Variants in VWA1 observed in about 807,000 individuals in gnomAD.
VWA1 encodes the protein von Willebrand factor A domain-containing protein 1.
Under a neutral mutation model 14.9 loss-of-function variants are expected in VWA1, and 12 were observed. That is an observed-to-expected ratio of 0.80 (90% CI 0.52 to 1.30). The LOEUF (loss-of-function observed/expected upper bound fraction) is 1.30, where lower values mean the gene tolerates loss of function less well. Among genes scored for constraint, VWA1 ranks in the 50% most tolerant of loss-of-function variants. The pLI is 0.00. For synonymous variants in VWA1, 368 were observed against 310.7 expected (o/e 1.18, Z -1.94); for missense variants, 800 against 649.1 (o/e 1.23, Z -2.53).
Position 1,439,777 on chromosome 1 carries a change from G to C in VWA1, c.1328G>C (p.Arg443Pro), listed in dbSNP as rs1392936590. The change falls in exon 3 of 3, where the codon CGT (arginine) becomes CCT (proline). Residue 443 changes from arginine to proline, a missense_variant. Physicochemically the swap from Arg to Pro is moderately radical, Grantham distance 103. Coordinates refer to ENST00000476993, the MANE Select transcript of VWA1 (RefSeq NM_022834.5). Reference sequence around the variant, plus strand: ...GCCCCGACCCCGGGGACCGCCAGCCGTGAGCCGTAAGCCGGCGTCCCCGCC... The same window carrying C: ...GCCCCGACCCCGGGGACCGCCAGCCCTGAGCCGTAAGCCGGCGTCCCCGCC... ...PRAPTPGTAS[R>P]EP 5 of 1,080,368 alleles carry C rather than the reference G, an allele frequency of 4.6e-6. No individual in the cohort carries two copies. Among genetic ancestry groups the C allele is most frequent in the Middle Eastern group, 4.1e-4 (1 of 2,412 alleles). 66.9% of individuals were successfully genotyped at this position (1,080,368 alleles called of 1,614,324 possible). A position where few individuals can be genotyped will look rare whatever the true frequency, so the allele number is the denominator to read the frequency against.
chr1:1,439,827 T>C lies in VWA1; in HGVS notation c.*40T>C, dbSNP rs140247431. 0.02 allele frequency: 21,278 copies of C among 1,057,724 alleles called. 910 individuals are homozygous for C. Among genetic ancestry groups the C allele is most frequent in the African/African-American group, 0.16 (9,037 of 58,178 alleles). The allele number at this position is 1,057,724 out of a possible 1,614,324, so 65.5% of individuals were successfully genotyped here. ...CCAGCCGAGAGGGCCGGCGCCTACCTGAGGGCCCCTGTGTCCCGAACCCGG... is the reference window on the plus strand; with the variant it reads ...CCAGCCGAGAGGGCCGGCGCCTACCCGAGGGCCCCTGTGTCCCGAACCCGG... On this transcript the variant is annotated 3_prime_UTR_variant, in exon 3 of 3. Transcript: ENST00000476993.
In VWA1 at chr1:1,439,391, G is replaced by T; in HGVS notation, c.942G>T (p.Glu314Asp). Residue 314 changes from glutamate (E) to aspartate (D), a missense_variant, in exon 3 of 3, where the codon GAG becomes GAT. Physicochemically the swap from Glu to Asp is conservative, Grantham distance 45. Transcript: ENST00000476993. ...GEAGPGASGP[E>D]SGAGPAPTQL... ...CAGGGCCGGGGGCTTCGGGCCCGGAGTCGGGGGCTGGGCCGGCCCCCACGC... is the reference window on the plus strand; with the variant it reads ...CAGGGCCGGGGGCTTCGGGCCCGGATTCGGGGGCTGGGCCGGCCCCCACGC... The T allele has an allele frequency of 6.8e-7, 1 of 1,474,996 alleles. No individual in the cohort carries two copies. Among genetic ancestry groups the T allele is most frequent in the Non-Finnish European group, 8.9e-7 (1 of 1,121,162 alleles). The allele number at this position is 1,474,996 out of a possible 1,614,324, so 91.4% of individuals were successfully genotyped here.
chr1:1,439,616 G>A lies in VWA1; in HGVS notation c.1167G>A (p.Thr389=), dbSNP rs1459964707. The A allele has an allele frequency of 3.8e-6, 5 of 1,309,638 alleles. No individual in the cohort carries two copies. The highest frequency in any genetic ancestry group is 4.9e-6 in the Non-Finnish European group (5 of 1,028,006). The allele number at this position is 1,309,638 out of a possible 1,614,324, so 81.1% of individuals were successfully genotyped here. A position where few individuals can be genotyped will look rare whatever the true frequency, so the allele number is the denominator to read the frequency against. ...VEVPAGRNCT[T]LQGLAPGTAY... is the part of the protein sequence containing the mutation. ...TGCCCGCGGGCCGCAACTGCACCAC[G>A]CTGCAGGGCCTGGCGCCGGGCACCG... Residue 389 remains threonine (T), a synonymous_variant, in exon 3 of 3, where the codon ACG becomes ACA. Transcript: ENST00000476993.
rs776670796 is a variant in VWA1 at position 1,437,084 on chromosome 1, C to T, written c.231C>T (p.His77=). 2.6e-5 allele frequency: 41 copies of T among 1,606,696 alleles called. No individual in the cohort carries two copies. Among genetic ancestry groups the T allele is most frequent in the Admixed American group, 5.0e-5 (3 of 59,622 alleles). ...GTGALRASLV[H]VGSRPYTEFP... ...GGGCCCTGCGTGCCAGTCTGGTGCA[C>T]GTGGGCAGTCGGCCATACACCGAGT... Residue 77 remains histidine (H), a synonymous_variant, in exon 2 of 3, where the codon CAC becomes CAT. Coordinates refer to ENST00000476993, the MANE Select transcript of VWA1 (RefSeq NM_022834.5).
chr1:1,437,040 C>T lies in VWA1; in HGVS notation c.187C>T (p.Pro63Ser). The T allele has an allele frequency of 1.2e-6, 2 of 1,611,902 alleles. No individual in the cohort carries two copies. The highest frequency in any genetic ancestry group is 1.7e-6 in the Non-Finnish European group (2 of 1,179,574). Residue 63 changes from proline to serine, a missense_variant, in exon 2 of 3, where the codon CCA becomes TCA. Transcript: ENST00000476993. ...VREFVGQLVA[P>S]LPLGTGALRA... ...GGAGTTTGTGGGGCAGCTGGTGGCT[C>T]CACTGCCCCTGGGCACCGGGGCCCT...
chr1:1,437,468 G>A lies in VWA1; in HGVS notation c.615G>A (p.Leu205=). Residue 205 remains leucine (L), a synonymous_variant, in exon 2 of 3, where the codon CTG becomes CTA. Coordinates refer to ENST00000476993, the MANE Select transcript of VWA1 (RefSeq NM_022834.5). The stretch of plus-strand genomic sequence containing the variant: ...ACCTGCACATCATTGTCCAAGAGCT[G>A]AGGGGCTCCATTCTCGGTATGCGGG... ...VDDLHIIVQE[L]RGSILDAMRP... 1.2e-6 allele frequency: 2 copies of A among 1,604,226 alleles called. No homozygotes were observed. Among genetic ancestry groups the A allele is most frequent in the Non-Finnish European group, 8.5e-7 (1 of 1,173,084 alleles).
chr1:1,439,032 G>A (rs1171105296), intron 2 of VWA1, 49 bp from the exon 3 acceptor site: 9 of 1,559,918 alleles, frequency 5.8e-6, no homozygotes, highest in Admixed American at 3.6e-5. Flanking sequence ...CCCTCCAGCA[G>A]CGGAGGAGGA....
In VWA1 at chr1:1,437,289, G is replaced by T. The variant is rs769375223; in HGVS notation, c.436G>T (p.Gly146Cys). The change falls in exon 2 of 3, where the codon GGC becomes TGC. Residue 146 changes from glycine (G) to cysteine (C), a missense_variant. Physicochemically the swap from Gly to Cys is radical, Grantham distance 159. Transcript: ENST00000476993. ...PKVLVWVTDG[G>C]SSDPVGPPMQ... ...AGTGCTGGTGTGGGTGACAGATGGC[G>T]GCTCCAGCGACCCTGTGGGCCCCCC... 6.2e-7 allele frequency: 1 copy of T among 1,610,386 alleles called. No individual in the cohort carries two copies. The highest frequency in any genetic ancestry group is 8.5e-7 in the Non-Finnish European group (1 of 1,178,970).
Position 1,437,109 on chromosome 1 carries a change from T to C in VWA1, c.256T>C (p.Phe86Leu), listed in dbSNP as rs377327426. The change falls in exon 2 of 3, where the codon TTC (phenylalanine) becomes CTC (leucine). Residue 86 changes from phenylalanine to leucine, a missense_variant. Transcript: ENST00000476993. ...CGTGGGCAGTCGGCCATACACCGAG[T>C]TCCCCTTCGGCCAGCACAGCTCGGG... ...VHVGSRPYTE[F>L]PFGQHSSGEA... 1.1e-5 allele frequency: 17 copies of C among 1,605,318 alleles called. No homozygotes were observed. In the African/African-American group the frequency reaches 1.2e-4, roughly 11 times the overall value.
chr1:1,438,806 C>G (rs1181187566), intron 2 of VWA1, among the ~76,000 whole-genome samples: 4 of 152,198 alleles, frequency 2.6e-5, no homozygotes, highest in Non-Finnish European at 5.9e-5. Context: ...CACTGCACCT[C>G]TCCACAAAGG....
In VWA1 at chr1:1,439,970, C is replaced by T. The variant is rs1410538419; in HGVS notation, c.*183C>T. On this transcript the variant is annotated 3_prime_UTR_variant, in exon 3 of 3. Transcript: ENST00000476993. ...GCTTCCCCGCCTGGCGCCTGCCCTC[C>T]AGGGCTGGGGCCTCGCCTGGCGGGA... 1.4e-6 allele frequency: 1 copy of T among 713,646 alleles called. No homozygotes were observed. The highest frequency in any genetic ancestry group is 1.8e-6 in the Non-Finnish European group (1 of 567,868). 44.2% of individuals were successfully genotyped at this position (713,646 alleles called of 1,614,324 possible).
chr1:1,437,647 G>A (rs1638575958), intron 2 of VWA1, among the ~76,000 whole-genome samples, 163 bp downstream of exon 2: 1 of 152,184 alleles, frequency 6.6e-6, no homozygotes, highest in South Asian at 2.1e-4. Context: ...GCTTGTCTAT[G>A]CACACTCTTC....
chr1:1,437,956 G>A lies in VWA1; in HGVS notation c.631+472G>A, dbSNP rs541541804. Among the ~76,000 whole-genome samples, 234 of 152,310 alleles carry A rather than the reference G, an allele frequency of 1.5e-3. 4 individuals are homozygous for A. In the South Asian group the frequency reaches 0.046, roughly 30 times the overall value. The stretch of plus-strand genomic sequence containing the variant: ...GCCGCCGAGGGCTTTGAACTAGTTC[G>A]GACTGCAGGCCCACTGTGAGGGTTT... On this transcript the variant is annotated intron_variant, in intron 2 of 2. Transcript: ENST00000476993.
chr1:1,441,384 T>C lies in VWA1; in HGVS notation c.*1597T>C, dbSNP rs1638667415. The C allele has an allele frequency of 6.6e-6, 1 of 152,250 alleles. No individual in the cohort carries two copies. Among genetic ancestry groups the C allele is most frequent in the African/African-American group, 2.4e-5 (1 of 41,454 alleles). The allele number at this position is 152,250 out of a possible 1,614,324, so 9.4% of individuals were successfully genotyped here. A position where few individuals can be genotyped will look rare whatever the true frequency, so the allele number is the denominator to read the frequency against. ...ACGCAGAGTTTGCCCTCCGGTGTGATGATGCATGAGACACAGTAGGCCCCC... is the reference window on the plus strand; with the variant it reads ...ACGCAGAGTTTGCCCTCCGGTGTGACGATGCATGAGACACAGTAGGCCCCC... On this transcript the variant is annotated 3_prime_UTR_variant, in exon 3 of 3. Coordinates refer to ENST00000476993, the MANE Select transcript of VWA1 (RefSeq NM_022834.5).
chr1:1,439,228 A>T lies in VWA1; in HGVS notation c.779A>T (p.Gln260Leu), dbSNP rs1054577130. The change falls in exon 3 of 3, where the codon CAG (glutamine) becomes CTG (leucine). Residue 260 changes from glutamine (Q) to leucine (L), a missense_variant. Physicochemically the swap from Gln to Leu is moderately radical, Grantham distance 113. Coordinates refer to ENST00000476993, the MANE Select transcript of VWA1 (RefSeq NM_022834.5). Reference protein sequence around the residue: ...SAQPGAARRQQLPGNATDWIW... With the variant: ...SAQPGAARRQLLPGNATDWIW... ...CAGCCGGGGGCTGCAAGACGCCAGCAGCTGCCAGGGAACGCCACGGACTGG... is the reference window on the plus strand; with the variant it reads ...CAGCCGGGGGCTGCAAGACGCCAGCTGCTGCCAGGGAACGCCACGGACTGG... 6 of 1,607,694 alleles carry T rather than the reference A, an allele frequency of 3.7e-6. No homozygotes were observed. Among genetic ancestry groups the T allele is most frequent in the Admixed American group, 3.3e-5 (2 of 59,880 alleles).
rs1161767331 is a variant in VWA1, at chr1:1,440,807, G to T, written c.*1020G>T. The T allele has an allele frequency of 1.3e-5, 2 of 153,866 alleles. No individual in the cohort carries two copies. Among genetic ancestry groups the T allele is most frequent in the Admixed American group, 6.5e-5 (1 of 15,286 alleles). The allele number at this position is 153,866 out of a possible 1,614,324, so 9.5% of individuals were successfully genotyped here. ...AGGATGCTTTACTCCTCCACAAACAGCAGCCGCCGACAGGACAGCTTGTGA... is the reference window on the plus strand; with the variant it reads ...AGGATGCTTTACTCCTCCACAAACATCAGCCGCCGACAGGACAGCTTGTGA... On this transcript the variant is annotated 3_prime_UTR_variant, in exon 3 of 3. Transcript: ENST00000476993.
chr1:1,439,816 C>G lies in VWA1; in HGVS notation c.*29C>G. On this transcript the variant is annotated 3_prime_UTR_variant, in exon 3 of 3. Coordinates refer to ENST00000476993, the MANE Select transcript of VWA1 (RefSeq NM_022834.5). ...GGCGTCCCCGCCCAGCCGAGAGGGC[C>G]GGCGCCTACCTGAGGGCCCCTGTGT... 9.4e-7 allele frequency: 1 copy of G among 1,064,332 alleles called. No individual in the cohort carries two copies. The highest frequency in any genetic ancestry group is 1.1e-6 in the Non-Finnish European group (1 of 880,080). The allele number at this position is 1,064,332 out of a possible 1,614,324, so 65.9% of individuals were successfully genotyped here.
chr1:1,438,570 C>T (rs1431498228), intron 2 of VWA1, among the ~76,000 whole-genome samples: 1 of 152,140 alleles, frequency 6.6e-6, no homozygotes. Flanking sequence ...AGGAGTCCCC[C>T]TCTGGAGAAC....
At chr1:1,436,350 CTTG>C (rs1400364909) in intron 1 of VWA1, among the ~76,000 whole-genome samples, 3 of 151,458 alleles carry the variant, frequency 2.0e-5, no homozygotes, top group Admixed American at 6.6e-5. Flanking sequence ...GGGGTTATAT[CTTG>C]TTGTGTGAGT....
Sources: gnomAD v4.1 joint callset for allele counts (sites outside exome capture counted in the v4.1 genomes callset) on GRCh38, gnomAD v4.1.1 for gene constraint, MANE v1.5 for transcripts, NCBI Gene and HGNC (gene_info 2026-07-23, HGNC 2026-07-21) for gene names.